Variants in RUNX1 observed in about 807,000 individuals in gnomAD.
The protein encoded by RUNX1 is runt-related transcription factor 1.
Under a neutral mutation model 42.8 loss-of-function variants are expected in RUNX1, and 19 were observed. That is an observed-to-expected ratio of 0.44 (90% CI 0.31 to 0.65). RUNX1 has a LOEUF of 0.65. Ranked by LOEUF, RUNX1 falls within the 30% of genes least tolerant of loss-of-function variation. RUNX1 has a pLI of 0.07. For missense variants in RUNX1, 528 were observed against 672.0 expected (o/e 0.79, Z 2.37); for synonymous variants, 271 against 289.4 (o/e 0.94, Z 0.64).
intron 2 of RUNX1, among the ~76,000 whole-genome samples, chr21:34,900,824 A>G (rs1390824580): frequency 6.6e-6 from 1 of 152,254 alleles, no homozygotes; most frequent in Non-Finnish European, 1.5e-5. Context: ...ATTTTTAAAT[A>G]TAAGCATTAT....
intron 7 of RUNX1, among the ~76,000 whole-genome samples, chr21:34,820,163 C>T (rs187983792): frequency 8.8e-4 from 134 of 152,276 alleles, no homozygotes; most frequent in African/African-American, 2.4e-3. Flanking sequence ...TTGTCCCCAA[C>T]AGGGAGCAGG....
chr21:35,026,427 AG>A (rs929164830), intron 2 of RUNX1, among the ~76,000 whole-genome samples: 1 of 152,254 alleles, frequency 6.6e-6, no homozygotes, highest in African/African-American at 2.4e-5. Flanking sequence ...CTCTCCAAGA[AG>A]AAAAGCAATC....
chr21:34,927,376 G>C (rs1283573363), intron 2 of RUNX1, among the ~76,000 whole-genome samples: 1 of 152,168 alleles, frequency 6.6e-6, no homozygotes, highest in African/African-American at 2.4e-5. Flanking sequence ...ATGTTCATTT[G>C]TGAATTGGAT....
rs1042157663 is a variant in RUNX1, at chr21:34,843,175, CACAT to C, written c.614-8578_614-8575del. Among the ~76,000 whole-genome samples, 10 of 152,040 alleles carry C rather than the reference CACAT, an allele frequency of 6.6e-5. No individual in the cohort carries two copies. Among genetic ancestry groups the C allele is most frequent in the African/African-American group, 2.2e-4 (9 of 41,382 alleles). On this transcript the variant is annotated intron_variant, in intron 6 of 8. Transcript: ENST00000675419. This position sits in a 1 kb window ranked among gnomAD's most constrained non-coding sequence, Gnocchi z 4.8. ...ACACAAACACAGGCATGCATGTAAA[CACAT>C]ACAGACACACACATACACAGACACC...
intron 5 of RUNX1, among the ~76,000 whole-genome samples, chr21:34,872,644 A>C (rs1428834471): frequency 6.6e-6 from 1 of 152,238 alleles, no homozygotes; most frequent in Non-Finnish European, 1.5e-5. Flanking sequence ...GGGGCAAGGG[A>C]AACATTTTAC....
At chr21:35,021,205 T>C (rs1300361902) in intron 2 of RUNX1, among the ~76,000 whole-genome samples, 2 of 152,196 alleles carry the variant, frequency 1.3e-5, no homozygotes, top group Non-Finnish European at 2.9e-5. Flanking sequence ...CACCAATCTG[T>C]TTCTCAGTTT....
At chr21:35,044,044 C>T (rs1244842740) in intron 2 of RUNX1, among the ~76,000 whole-genome samples, 2 of 152,250 alleles carry the variant, frequency 1.3e-5, no homozygotes, top group Non-Finnish European at 2.9e-5. Flanking sequence ...CCTGCCCCAA[C>T]TAGCCTCCAT....
intron 4 of RUNX1, among the ~76,000 whole-genome samples, chr21:34,881,405 T>C (rs1408556627): frequency 6.6e-6 from 1 of 152,210 alleles, no homozygotes; most frequent in Non-Finnish European, 1.5e-5. Flanking sequence ...CGCTATTATC[T>C]TGAGTTTTAC....
At chr21:35,046,655 T>C (rs757451632) in intron 2 of RUNX1, among the ~76,000 whole-genome samples, 1 of 152,212 alleles carries the variant, frequency 6.6e-6, no homozygotes, top group African/African-American at 2.4e-5. Flanking sequence ...CTCTCCGGCT[T>C]GGGTGAATGA....
rs147485785 is a variant in RUNX1, at chr21:35,029,804, G to C, written c.58+19038C>G. Among the ~76,000 whole-genome samples the C allele has an allele frequency of 3.9e-5, 6 of 152,272 alleles. No homozygotes were observed. The East Asian group carries it at 1.2e-3, about 29-fold the overall frequency. ...CCACTTCAGTGGTGCCCCCAACTCT[G>C]CTTCTAGGACTCTGGCAAGTCCTAC... On this transcript the variant is annotated intron_variant, in intron 2 of 8. Coordinates refer to ENST00000675419, the MANE Select transcript of RUNX1 (RefSeq NM_001754.5).
At chr21:34,870,980 C>T (rs1180094109) in intron 5 of RUNX1, among the ~76,000 whole-genome samples, 1 of 151,802 alleles carries the variant, frequency 6.6e-6, no homozygotes, top group African/African-American at 2.4e-5. Context: ...AACAAAAAAA[C>T]AAACAGTCCT....
At position 34,797,065 on chromosome 21, in the gene RUNX1, C is replaced by A. The variant is rs144949756; in HGVS notation, c.967+2236G>T. ...ACTTTCCTTTTATGTATTCCACCCC[C>A]CTCCTGCCTCCAGGTTTATGACAAC... is the stretch of plus-strand genomic sequence containing the variant. On this transcript the variant is annotated intron_variant, in intron 8 of 8. Transcript: ENST00000675419. Among the ~76,000 whole-genome samples, 1,008 of 152,344 alleles carry A rather than the reference C, an allele frequency of 6.6e-3. 4 individuals are homozygous for A. Among genetic ancestry groups the A allele is most frequent in the Middle Eastern group, 0.02 (6 of 294 alleles).
At chr21:35,029,932 T>C (rs1433687381) in intron 2 of RUNX1, among the ~76,000 whole-genome samples, 2 of 152,362 alleles carry the variant, frequency 1.3e-5, no homozygotes, top group Admixed American at 1.3e-4. Flanking sequence ...CTTTGGCATC[T>C]GCCTACTGGA....
intron 2 of RUNX1, among the ~76,000 whole-genome samples, chr21:35,032,366 G>T (rs536629984): frequency 6.6e-6 from 1 of 152,262 alleles, no homozygotes; most frequent in East Asian, 1.9e-4. Context: ...TATCCCACTA[G>T]TTACCTTTTT....
chr21:34,837,693 G>C (rs139563574), intron 6 of RUNX1, among the ~76,000 whole-genome samples: 1 of 152,134 alleles, frequency 6.6e-6, no homozygotes, highest in Non-Finnish European at 1.5e-5. Flanking sequence ...GGGCAACAGG[G>C]AATTCGACCC....
intron 2 of RUNX1, among the ~76,000 whole-genome samples, chr21:34,904,918 T>C (rs2058205879): frequency 6.6e-6 from 1 of 152,260 alleles, no homozygotes. Flanking sequence ...ATAGAAATCA[T>C]TTTGTTTAGC....
chr21:34,807,488 A>G (rs2056695945), intron 7 of RUNX1, among the ~76,000 whole-genome samples: 1 of 152,226 alleles, frequency 6.6e-6, no homozygotes, highest in South Asian at 2.1e-4. Context: ...GGGTTCTACC[A>G]TCTATTTTTG....
chr21:35,003,907 T>C (rs1234297877), intron 2 of RUNX1, among the ~76,000 whole-genome samples: 1 of 152,246 alleles, frequency 6.6e-6, no homozygotes, highest in African/African-American at 2.4e-5. Context: ...TTTAGATTTA[T>C]TTCGTTCAAA....
chr21:34,823,112 A>G (rs1285435753), intron 7 of RUNX1, among the ~76,000 whole-genome samples: 1 of 152,216 alleles, frequency 6.6e-6, no homozygotes, highest in Non-Finnish European at 1.5e-5. Flanking sequence ...GGAACTGGCA[A>G]TTTACAGGGC....
Sources: allele counts gnomAD v4.1 joint callset (sites outside exome capture counted in the v4.1 genomes callset), GRCh38; gene constraint gnomAD v4.1.1; non-coding constraint Gnocchi (gnomAD v3.1); transcripts MANE v1.5; gene names NCBI Gene and HGNC (gene_info 2026-07-23, HGNC 2026-07-21).